C16orf78: variants seen among roughly 807,000 people sequenced by gnomAD.
C16orf78 encodes the protein chromosome 16 open reading frame 78.
A neutral mutation model predicts 27.3 loss-of-function variants in C16orf78; 19 were observed. The observed-to-expected ratio is 0.70, with a 90% CI of 0.49 to 1.02. The LOEUF (loss-of-function observed/expected upper bound fraction) is 1.02. C16orf78 is among the 50% of genes least tolerant of loss of function. The pLI, the probability that C16orf78 is intolerant of heterozygous loss-of-function variation, is 0.00. For missense variants in C16orf78, 339 were observed against 337.0 expected (o/e 1.01, Z -0.05); for synonymous variants, 130 against 116.1 (o/e 1.12, Z -0.77).
intron 3 of C16orf78, among the ~76,000 whole-genome samples, chr16:49,395,742 G>T (rs1052818268): frequency 6.6e-6 from 1 of 152,106 alleles, no homozygotes; most frequent in East Asian, 1.9e-4. Context: ...CCAGCTCAAA[G>T]CTTTTCTCTT....
chr16:49,383,951 C>G (rs1275369080), intron 3 of C16orf78, among the ~76,000 whole-genome samples: 1 of 152,174 alleles, frequency 6.6e-6, no homozygotes, highest in African/African-American at 2.4e-5. Flanking sequence ...GAATAATCCT[C>G]TTAAGGACAT....
intron 3 of C16orf78, among the ~76,000 whole-genome samples, chr16:49,385,067 C>T (rs1177229383): frequency 6.6e-6 from 1 of 151,986 alleles, no homozygotes; most frequent in African/African-American, 2.4e-5. Context: ...TAAAAGGACA[C>T]TAATTAACAA....
At chr16:49,393,548 A>T (rs1188071809) in intron 3 of C16orf78, among the ~76,000 whole-genome samples, 7 of 152,290 alleles carry the variant, frequency 4.6e-5, no homozygotes. Context: ...ATAAATAACG[A>T]AATAAGCCTG....
intron 3 of C16orf78, among the ~76,000 whole-genome samples, chr16:49,389,912 A>T (rs1965393491): frequency 6.6e-6 from 1 of 152,138 alleles, no homozygotes; most frequent in African/African-American, 2.4e-5. Flanking sequence ...CTACCTGAAG[A>T]TTTTTCTTTA....
intron 1 of C16orf78, among the ~76,000 whole-genome samples, chr16:49,374,757 A>T (rs777031920): frequency 1.1e-4 from 17 of 152,198 alleles, no homozygotes; most frequent in Non-Finnish European, 2.5e-4. Flanking sequence ...TCTACCCTAC[A>T]TCGAGCTAGT....
chr16:49,392,171 T>C (rs1965420240), intron 3 of C16orf78, among the ~76,000 whole-genome samples: 1 of 152,074 alleles, frequency 6.6e-6, no homozygotes, highest in Non-Finnish European at 1.5e-5. Context: ...AATAATTTAC[T>C]TACAAGGGGA....
chr16:49,377,655 C>T (rs1965236074), intron 1 of C16orf78, 76 bp from the exon 2 acceptor site: 1 of 1,538,006 alleles, frequency 6.5e-7, no homozygotes, highest in African/African-American at 1.4e-5. Flanking sequence ...CACCTGGGAG[C>T]CTTCTCCTTG....
chr16:49,375,839 A>G (rs1037410199), intron 1 of C16orf78, among the ~76,000 whole-genome samples: 1 of 152,246 alleles, frequency 6.6e-6, no homozygotes, highest in Non-Finnish European at 1.5e-5. Context: ...CTCCAAACTC[A>G]ATTTAATATC....
At position 49,375,643 on chromosome 16, in the gene C16orf78, A is replaced by G. The variant is rs976580391; in HGVS notation, c.150+1554A>G. ...CCAACACTGGAGATTACAACTTGAC[A>G]TGAGATTTGGGGAGAGACGCAGATC... On this transcript the variant is annotated intron_variant, in intron 1 of 4. Coordinates refer to ENST00000299191, the MANE Select transcript of C16orf78 (RefSeq NM_144602.4). Among the ~76,000 whole-genome samples, 12 of 152,326 alleles carry G rather than the reference A, an allele frequency of 7.9e-5. No individual in the cohort carries two copies. The South Asian group carries it at 2.3e-3, about 29-fold the overall frequency.
chr16:49,386,393 C>T (rs1045909735), intron 3 of C16orf78, among the ~76,000 whole-genome samples: 1 of 152,180 alleles, frequency 6.6e-6, no homozygotes, highest in Non-Finnish European at 1.5e-5. Context: ...AATACAGATT[C>T]TTCTCAAATG....
intron 1 of C16orf78, 66 bp from the exon 2 acceptor site, chr16:49,377,664 TG>T: frequency 6.4e-7 from 1 of 1,554,840 alleles, no homozygotes; most frequent in South Asian, 1.2e-5. Context: ...GCCTTCTCCT[TG>T]GGGAAAGGGA....
rs1965478196 is a variant in C16orf78 at position 49,396,601 on chromosome 16, G to C, written c.573G>C (p.Lys191Asn). 1 of 1,613,926 alleles carries C rather than the reference G, an allele frequency of 6.2e-7. No individual in the cohort carries two copies. The highest frequency in any genetic ancestry group is 8.5e-7 in the Non-Finnish European group (1 of 1,180,048). ...ACATGGCTTACGAACGCAAGCTAAA[G>C]AGCCTCATGGAGAAAAGCACCGAAC... Reference protein sequence around the residue: ...MPDMAYERKLKSLMEKSTEPK... With the variant: ...MPDMAYERKLNSLMEKSTEPK... Residue 191 changes from lysine (K) to asparagine (N), a missense_variant, in exon 4 of 5, where the codon AAG becomes AAC. Transcript: ENST00000299191.
intron 3 of C16orf78, among the ~76,000 whole-genome samples, chr16:49,381,575 C>A (rs1464954945): frequency 1.3e-4 from 20 of 151,862 alleles, no homozygotes; most frequent in Non-Finnish European, 2.5e-4. Flanking sequence ...CAAGAAAAAA[C>A]AAACAACCCC....
intron 1 of C16orf78, among the ~76,000 whole-genome samples, chr16:49,377,440 C>T (rs1420658006): frequency 6.6e-6 from 1 of 152,038 alleles, no homozygotes; most frequent in Non-Finnish European, 1.5e-5. Flanking sequence ...TCCTACCAGG[C>T]TAGGGAGTGA....
intron 3 of C16orf78, among the ~76,000 whole-genome samples, chr16:49,391,755 C>T (rs564562043): frequency 1.3e-5 from 2 of 152,300 alleles, no homozygotes; most frequent in African/African-American, 4.8e-5. Flanking sequence ...ATTGCTATCG[C>T]TCCTTCCTTC....
intron 3 of C16orf78, among the ~76,000 whole-genome samples, chr16:49,392,824 T>C (rs1418409042): frequency 6.6e-6 from 1 of 152,210 alleles, no homozygotes; most frequent in Non-Finnish European, 1.5e-5. Flanking sequence ...GGTTTGACTG[T>C]GTCCCCACCC....
chr16:49,385,199 AAC>A (rs1353803138), intron 3 of C16orf78, among the ~76,000 whole-genome samples: 6 of 152,056 alleles, frequency 3.9e-5, no homozygotes, highest in African/African-American at 1.5e-4. Context: ...AAAGCTAAAA[AAC>A]AAATGTATTA....
intron 3 of C16orf78, among the ~76,000 whole-genome samples, chr16:49,387,422 GTTTCTTC>G (rs1339744388): frequency 1.3e-5 from 2 of 152,078 alleles, no homozygotes; most frequent in African/African-American, 2.4e-5. Context: ...TCTGTTGATA[GTTTCTTC>G]TCTTGTGCAG....
chr16:49,399,149 G>A lies in C16orf78; in HGVS notation c.669G>A (p.Lys223=). 4 of 1,614,078 alleles carry A rather than the reference G, an allele frequency of 2.5e-6. No homozygotes were observed. Among genetic ancestry groups the A allele is most frequent in the South Asian group, 2.2e-5 (2 of 91,062 alleles). ...TGAACAGATACCTGAGGTTATCCAA[G>A]GAGAACATTCGGACCTTGCTCAAGT... ...VLSCRYLRLS[K]ENIRTLLKLC... is the part of the protein sequence containing the mutation. Residue 223 remains lysine, a synonymous_variant, in exon 5 of 5, where the codon AAG becomes AAA. Transcript: ENST00000299191.
Sources: allele counts gnomAD v4.1 joint callset (sites outside exome capture counted in the v4.1 genomes callset), GRCh38; gene constraint gnomAD v4.1.1; transcripts MANE v1.5; gene names NCBI Gene and HGNC (gene_info 2026-07-23, HGNC 2026-07-21).